Variants in TAX1BP1 observed in about 807,000 individuals in gnomAD.
The protein encoded by TAX1BP1 is tax1-binding protein 1.
Under a neutral mutation model 97.7 loss-of-function variants are expected in TAX1BP1, and 62 were observed. The ratio of observed to expected loss-of-function variants is 0.63; its 90% CI spans 0.52 to 0.78. The LOEUF (loss-of-function observed/expected upper bound fraction) is 0.78. TAX1BP1 is among the 30% of genes least tolerant of loss of function. The probability of loss-of-function intolerance (pLI) is 0.00; values close to 1 mark genes in which losing one functional copy is unlikely to be tolerated. For synonymous variants in TAX1BP1, 340 were observed against 304.2 expected (o/e 1.12, Z -1.23); for missense variants, 867 against 916.1 (o/e 0.95, Z 0.69).
intron 8 of TAX1BP1, 58 bp from the exon 9 acceptor site, chr7:27,791,948 T>C: frequency 6.5e-7 from 1 of 1,546,646 alleles, no homozygotes; most frequent in Non-Finnish European, 8.9e-7. Flanking sequence ...AAATTGTTTC[T>C]GCTTCTGTTT....
At chr7:27,755,437 A>C (rs537585103) in intron 2 of TAX1BP1, among the ~76,000 whole-genome samples, 160 of 151,922 alleles carry the variant, frequency 1.1e-3, no homozygotes, top group African/African-American at 3.7e-3. Flanking sequence ...GCTTTCCTCA[A>C]CCTAATGTTT....
intron 13 of TAX1BP1, among the ~76,000 whole-genome samples, chr7:27,801,450 T>C (rs1348882880): frequency 6.6e-6 from 1 of 152,186 alleles, no homozygotes; most frequent in African/African-American, 2.4e-5. Context: ...CCTTCCTTAA[T>C]TATTTATTAA....
intron 3 of TAX1BP1, among the ~76,000 whole-genome samples, chr7:27,763,879 A>G (rs1788525316): frequency 6.6e-6 from 1 of 152,252 alleles, no homozygotes; most frequent in Non-Finnish European, 1.5e-5. Flanking sequence ...AAGCTTTTAA[A>G]TAAGCCTAGT....
intron 10 of TAX1BP1, 130 bp downstream of exon 10, chr7:27,793,342 CA>C: frequency 4.7e-6 from 4 of 845,224 alleles, no homozygotes; most frequent in Non-Finnish European, 6.8e-6. Context: ...AGTCATTGGC[CA>C]AATATTGTAA....
chr7:27,800,015 G>A lies in TAX1BP1; in HGVS notation c.1689G>A (p.Glu563=). 4.4e-6 allele frequency: 7 copies of A among 1,604,532 alleles called. No homozygotes were observed. Among genetic ancestry groups the A allele is most frequent in the Non-Finnish European group, 6.0e-6 (7 of 1,175,818 alleles). The change falls in exon 13 of 17, where the codon GAG becomes GAA. Residue 563 remains glutamate (E), a synonymous_variant. Coordinates refer to ENST00000396319, the MANE Select transcript of TAX1BP1 (RefSeq NM_006024.7). ...ATGCTGATGAACTTGCAAAAATGGA[G>A]CTGAAATGGAAAGAACAAGTGAAAA... The part of the protein sequence containing the change: ...NKYADELAKM[E]LKWKEQVKIA...
At chr7:27,796,309 G>A (rs1789930957) in intron 12 of TAX1BP1, 90 bp downstream of exon 12, 2 of 1,120,740 alleles carry the variant, frequency 1.8e-6, no homozygotes, top group East Asian at 5.1e-5. Flanking sequence ...GTATCTTTGA[G>A]TTTCTTTTCC....
At chr7:27,780,957 G>C (rs1420783800) in intron 5 of TAX1BP1, among the ~76,000 whole-genome samples, 1 of 151,678 alleles carries the variant, frequency 6.6e-6, no homozygotes, top group South Asian at 2.1e-4. Flanking sequence ...TAATTAAAAG[G>C]TAATTTTAAG....
chr7:27,790,233 C>T (rs945098967), intron 8 of TAX1BP1, among the ~76,000 whole-genome samples: 2 of 151,726 alleles, frequency 1.3e-5, no homozygotes, highest in Non-Finnish European at 3.0e-5. Context: ...CTTTTTCATT[C>T]ATCATAACAA....
At chr7:27,781,113 T>C (rs76770917) in intron 5 of TAX1BP1, among the ~76,000 whole-genome samples, 1,890 of 152,296 alleles carry the variant, frequency 0.012, 14 homozygotes, top group Non-Finnish European at 0.02. Flanking sequence ...TTGTAGCCTG[T>C]CTCTCTTCCC....
intron 12 of TAX1BP1, among the ~76,000 whole-genome samples, 184 bp from the exon 13 acceptor site, chr7:27,799,781 A>G (rs1012029107): frequency 2.0e-5 from 3 of 152,054 alleles, no homozygotes; most frequent in Admixed American, 1.3e-4. Context: ...TATATATACT[A>G]TTTCATTGTG....
chr7:27,766,789 C>T (rs548456222), intron 4 of TAX1BP1, among the ~76,000 whole-genome samples: 160 of 152,290 alleles, frequency 1.1e-3, no homozygotes, highest in African/African-American at 3.7e-3. Context: ...AACTTTGTTT[C>T]ACTACCATGA....
chr7:27,758,306 T>C (rs2128309346), intron 3 of TAX1BP1, 173 bp downstream of exon 3: 2 of 413,812 alleles, frequency 4.8e-6, no homozygotes, highest in South Asian at 1.6e-4. Flanking sequence ...GTAGGCCACA[T>C]GATATTTTAT....
intron 5 of TAX1BP1, chr7:27,772,649 A>C (rs1788888018): frequency 6.6e-6 from 1 of 152,044 alleles, no homozygotes; most frequent in Admixed American, 6.6e-5. Flanking sequence ...CTAATAATTA[A>C]AACTAAATGA....
At chr7:27,816,217 G>A in intron 13 of TAX1BP1, 132 bp from the exon 14 acceptor site, 1 of 698,684 alleles carries the variant, frequency 1.4e-6, no homozygotes, top group Non-Finnish European at 2.2e-6. Context: ...TTCTAACTGT[G>A]TTTCCAATTG....
Position 27,792,029 on chromosome 7 carries a change from G to C in TAX1BP1, c.1062G>C (p.Glu354Asp), listed in dbSNP as rs888024659. 2 of 1,613,828 alleles carry C rather than the reference G, an allele frequency of 1.2e-6. No homozygotes were observed. Residue 354 changes from glutamate (E) to aspartate (D), a missense_variant, in exon 9 of 17, where the codon GAG becomes GAC. Physicochemically the swap from Glu to Asp is conservative, Grantham distance 45. Transcript: ENST00000396319. ...SSKEDTCFLKEQLRKAEEQVQ... is the reference protein window; with the variant it reads ...SSKEDTCFLKDQLRKAEEQVQ... The stretch of plus-strand genomic sequence containing the variant: ...AGGAAGATACTTGTTTTTTAAAGGA[G>C]CAACTTCGTAAAGCAGAGGAACAGG...
chr7:27,803,993 A>G (rs144156343), intron 13 of TAX1BP1, among the ~76,000 whole-genome samples: 122 of 152,358 alleles, frequency 8.0e-4, no homozygotes, highest in Non-Finnish European at 1.4e-3. Context: ...CTGTTATATC[A>G]GGGAAAAACA....
chr7:27,808,360 C>T (rs2128322592), intron 13 of TAX1BP1, among the ~76,000 whole-genome samples: 2 of 152,268 alleles, frequency 1.3e-5, no homozygotes, highest in Middle Eastern at 6.8e-3. Flanking sequence ...GACTAGGAAC[C>T]TGGTCTGAGT....
chr7:27,787,392 C>T (rs772817629), intron 7 of TAX1BP1, 26 bp from the exon 8 acceptor site: 1 of 1,557,546 alleles, frequency 6.4e-7, no homozygotes, highest in South Asian at 1.2e-5. Flanking sequence ...TTAGAATATT[C>T]TTGACATTTT....
intron 12 of TAX1BP1, among the ~76,000 whole-genome samples, chr7:27,796,812 G>C (rs564129354): frequency 6.6e-6 from 1 of 151,704 alleles, no homozygotes; most frequent in Non-Finnish European, 1.5e-5. Context: ...AGTGAGCCGA[G>C]TTTGCACACT....
Sources: allele counts gnomAD v4.1 joint callset (sites outside exome capture counted in the v4.1 genomes callset), GRCh38; gene constraint gnomAD v4.1.1; transcripts MANE v1.5; gene names NCBI Gene and HGNC (gene_info 2026-07-23, HGNC 2026-07-21).